ENTREP2: variants seen among roughly 807,000 people sequenced by gnomAD.
ENTREP2 encodes the protein endosomal transmembrane epsin interactor 2, also known as protein ENTREP2.
the ENTREP2 span, among the ~76,000 whole-genome samples, chr15:29,585,855 CAAAAAAAAAAA>C: frequency 9.0e-6 from 1 of 110,878 alleles, no homozygotes. Context: ...GACTCTGTCT[CAAAAAAAAAAA>C]AAAAAAAAAA....
the ENTREP2 span, among the ~76,000 whole-genome samples, chr15:29,332,377 T>C: frequency 3.2e-4 from 48 of 152,308 alleles, 1 homozygote; most frequent in Middle Eastern, 0.01. Flanking sequence ...CAATTATTTA[T>C]GCTGATTATT....
chr15:29,444,238 GAAAGAAAGAA>G, the ENTREP2 span, among the ~76,000 whole-genome samples: 108 of 142,666 alleles, frequency 7.6e-4, no homozygotes, highest in African/African-American at 2.6e-3. Flanking sequence ...AAGAAAGAAA[GAAAGAAAGAA>G]AGAGAAAGAG....
chr15:29,382,966 C>T, the ENTREP2 span, among the ~76,000 whole-genome samples: 1 of 152,188 alleles, frequency 6.6e-6, no homozygotes, highest in South Asian at 2.1e-4. Context: ...CTGAGGCTCC[C>T]TCCCATCTGG....
chr15:29,474,757 G>A, the ENTREP2 span, among the ~76,000 whole-genome samples: 78 of 152,178 alleles, frequency 5.1e-4, no homozygotes, highest in African/African-American at 9.4e-4. Flanking sequence ...GTTTCACCAT[G>A]TTGGCCAGGC....
chr15:29,431,406 T>TA, the ENTREP2 span, among the ~76,000 whole-genome samples: 2 of 152,198 alleles, frequency 1.3e-5, no homozygotes, highest in Non-Finnish European at 2.9e-5. Flanking sequence ...GTACAACTGT[T>TA]AGACTGCTTT....
chr15:29,126,414 C>T, the ENTREP2 span: 4 of 1,549,362 alleles, frequency 2.6e-6, no homozygotes, highest in Admixed American at 2.0e-5. Context: ...GGGGCGCCCA[C>T]AGGGCCATCG....
chr15:29,669,514 TTCA>T, the ENTREP2 span, among the ~76,000 whole-genome samples: 1 of 152,128 alleles, frequency 6.6e-6, no homozygotes, highest in Non-Finnish European at 1.5e-5. Context: ...AGAAATAAAT[TTCA>T]TTTCTTAGCA....
chr15:29,638,380 C>T, the ENTREP2 span, among the ~76,000 whole-genome samples: 1 of 152,216 alleles, frequency 6.6e-6, no homozygotes, highest in Non-Finnish European at 1.5e-5. Flanking sequence ...ATAACCAAAA[C>T]CATCTCCAGA....
the ENTREP2 span, among the ~76,000 whole-genome samples, chr15:29,489,455 C>T: frequency 0.025 from 3,842 of 151,982 alleles, 154 homozygotes; most frequent in African/African-American, 0.089. Context: ...CAACAGTCAG[C>T]AACAGGATAA....
chr15:29,448,647 A>G, the ENTREP2 span, among the ~76,000 whole-genome samples: 15 of 152,228 alleles, frequency 9.9e-5, no homozygotes, highest in Admixed American at 9.8e-4. Context: ...AGACGAACCA[A>G]TAATGCAGAG....
chr15:29,598,336 A>T, the ENTREP2 span, among the ~76,000 whole-genome samples: 1 of 152,204 alleles, frequency 6.6e-6, no homozygotes, highest in South Asian at 2.1e-4. Flanking sequence ...ATTCTCTAGT[A>T]ACAAATTATG....
chr15:29,483,120 T>C, the ENTREP2 span, among the ~76,000 whole-genome samples: 1 of 152,254 alleles, frequency 6.6e-6, no homozygotes, highest in African/African-American at 2.4e-5. Flanking sequence ...ATATGCTTAT[T>C]TGACAACTGT....
At chr15:29,511,349 T>C in the ENTREP2 span, among the ~76,000 whole-genome samples, 1 of 151,692 alleles carries the variant, frequency 6.6e-6, no homozygotes, top group Non-Finnish European at 1.5e-5. Context: ...CTTTTCTTTT[T>C]TTTTTTTTTG....
At chr15:29,199,911 T>C in the ENTREP2 span, among the ~76,000 whole-genome samples, 1 of 152,218 alleles carries the variant, frequency 6.6e-6, no homozygotes, top group Non-Finnish European at 1.5e-5. Flanking sequence ...ATATGAGACT[T>C]GGGATGAGGT....
chr15:29,281,087 T>C, the ENTREP2 span, among the ~76,000 whole-genome samples: 1 of 152,218 alleles, frequency 6.6e-6, no homozygotes, highest in Non-Finnish European at 1.5e-5. Flanking sequence ...CTAAGCAAAT[T>C]ACCTAATTCA....
At chr15:29,301,614 G>C in the ENTREP2 span, among the ~76,000 whole-genome samples, 5 of 152,196 alleles carry the variant, frequency 3.3e-5, no homozygotes, top group African/African-American at 1.2e-4. Flanking sequence ...TACGTTCAAT[G>C]ATGGCTCCCT....
At chr15:29,521,190 A>G in the ENTREP2 span, among the ~76,000 whole-genome samples, 29 of 152,184 alleles carry the variant, frequency 1.9e-4, no homozygotes, top group Non-Finnish European at 2.9e-5. Context: ...TCCAGCCCAA[A>G]ATGTCAACAC....
chr15:29,132,399 G>A, the ENTREP2 span, among the ~76,000 whole-genome samples: 5 of 152,302 alleles, frequency 3.3e-5, no homozygotes, highest in East Asian at 5.8e-4. Context: ...CAGTGGGCCC[G>A]AGGGCTCTAG....
the ENTREP2 span, among the ~76,000 whole-genome samples, chr15:29,288,345 C>T: frequency 6.6e-6 from 1 of 152,176 alleles, no homozygotes; most frequent in Non-Finnish European, 1.5e-5. Context: ...ACAGTGGTCT[C>T]GTTTGACTGT....
Sources: allele counts gnomAD v4.1 joint callset (sites outside exome capture counted in the v4.1 genomes callset), GRCh38; gene constraint gnomAD v4.1.1; transcripts MANE v1.5; gene names NCBI Gene and HGNC (gene_info 2026-07-23, HGNC 2026-07-21).